The following RPF2 variants were observed in gnomAD, a reference collection of about 807,000 sequenced individuals.
The protein encoded by RPF2 is brix domain containing 1.
RPF2 carries 21 observed loss-of-function variants against 38.9 expected under a neutral mutation model. That is an observed-to-expected ratio of 0.54 (90% CI 0.38 to 0.78). The LOEUF is 0.78. Ranked by LOEUF, RPF2 falls within the 30% of genes least tolerant of loss-of-function variation. The pLI is 0.00. For synonymous variants in RPF2, 121 were observed against 126.2 expected, an observed-to-expected ratio of 0.96 and a Z score of 0.28; for missense variants, 314 against 358.1, an observed-to-expected ratio of 0.88 and a Z score of 0.99.
In RPF2 at chr6:111,019,148, G is replaced by A. The variant is rs149886239; in HGVS notation, c.596+3292G>A. Reference sequence around the variant, plus strand: ...TTGAGCCCAGGACGCAGAGGTTACAGAGAGTGGGCGGATCACTTGAGGAGT... The same window carrying A: ...TTGAGCCCAGGACGCAGAGGTTACAAAGAGTGGGCGGATCACTTGAGGAGT... On this transcript the variant is annotated intron_variant, in intron 8 of 9. Transcript: ENST00000441448. 3.3e-3 allele frequency among the ~76,000 whole-genome samples: 500 copies of A among 152,164 alleles called. 5 individuals are homozygous for A. The highest frequency in any genetic ancestry group is 0.011 in the African/African-American group (466 of 41,506).
intron 4 of RPF2, among the ~76,000 whole-genome samples, chr6:110,995,316 G>T (rs1771692843): frequency 6.6e-6 from 1 of 152,132 alleles, no homozygotes; most frequent in Non-Finnish European, 1.5e-5. Context: ...GCAGGAGGTG[G>T]TATTATCCCT....
chr6:110,994,734 TACAC>T (rs71021820), intron 4 of RPF2, among the ~76,000 whole-genome samples: 7,365 of 134,032 alleles, frequency 0.055, 286 homozygotes, highest in South Asian at 0.11. Context: ...TGAGTATATA[TACAC>T]ACACACACAC....
At position 110,989,010 on chromosome 6, in the gene RPF2, A is replaced by G. The variant is rs201759375; in HGVS notation, c.157-18A>G. 1.4e-4 allele frequency: 219 copies of G among 1,595,662 alleles called. No individual in the cohort carries two copies. The Middle Eastern group carries it at 2.3e-3, about 17-fold the overall frequency. On this transcript the variant is annotated intron_variant, in intron 2 of 9. Coordinates refer to ENST00000441448, the MANE Select transcript of RPF2 (RefSeq NM_032194.3). ...CAGAATGTGTTTTGTTTTGAAAGCTATAAATTTTGTTTTACAGTATGCACT... is the reference window on the plus strand; with the variant it reads ...CAGAATGTGTTTTGTTTTGAAAGCTGTAAATTTTGTTTTACAGTATGCACT...
chr6:110,987,424 T>G (rs768975826), intron 2 of RPF2, among the ~76,000 whole-genome samples: 1 of 152,234 alleles, frequency 6.6e-6, no homozygotes, highest in Non-Finnish European at 1.5e-5. Context: ...GATGTCTGAA[T>G]GCCTTATATA....
intron 8 of RPF2, among the ~76,000 whole-genome samples, chr6:111,021,483 G>T (rs972492448): frequency 1.2e-4 from 19 of 152,188 alleles, no homozygotes; most frequent in African/African-American, 4.3e-4. Flanking sequence ...CCACACTTGG[G>T]GAGCATTGAG....
intron 6 of RPF2, among the ~76,000 whole-genome samples, 165 bp from the exon 7 acceptor site, chr6:111,007,873 G>A (rs1771939683): frequency 6.6e-6 from 1 of 152,082 alleles, no homozygotes; most frequent in Non-Finnish European, 1.5e-5. Context: ...CTTGAACCCG[G>A]GAGGTGGAGG....
At chr6:111,005,684 T>C (rs1398880177) in intron 6 of RPF2, among the ~76,000 whole-genome samples, 2 of 151,834 alleles carry the variant, frequency 1.3e-5, no homozygotes, top group Non-Finnish European at 2.9e-5. Flanking sequence ...GGCTGGAGTG[T>C]AGTGGCAAGA....
chr6:111,000,747 G>T (rs1303117614), intron 6 of RPF2, among the ~76,000 whole-genome samples: 1 of 152,108 alleles, frequency 6.6e-6, no homozygotes, highest in Non-Finnish European at 1.5e-5. Flanking sequence ...TAAGGCCTAA[G>T]TAATTTTCTT....
intron 8 of RPF2, among the ~76,000 whole-genome samples, chr6:111,018,396 A>G (rs1380814658): frequency 6.6e-6 from 1 of 152,102 alleles, no homozygotes; most frequent in Non-Finnish European, 1.5e-5. Context: ...ATTTTGAGCT[A>G]TGGTGTGGCT....
chr6:110,984,138 G>T (rs1771482715), intron 1 of RPF2, among the ~76,000 whole-genome samples: 1 of 152,180 alleles, frequency 6.6e-6, no homozygotes, highest in African/African-American at 2.4e-5. Context: ...ATTCCCCATT[G>T]TTGGCAATAA....
rs373144860 is a variant in RPF2 at position 110,986,868 on chromosome 6, G to C, written c.156+1730G>C. On this transcript the variant is annotated intron_variant, in intron 2 of 9. Transcript: ENST00000441448. ...TAGGGAGGCTGAGGCCGGAAAATCT[G>C]CTTGGACCTGGGAGATGGAGGTTGG... Among the ~76,000 whole-genome samples the C allele has an allele frequency of 1.2e-3, 189 of 151,476 alleles. 1 individual carries two copies. Among genetic ancestry groups the C allele is most frequent in the African/African-American group, 4.1e-3 (170 of 41,242 alleles).
At chr6:111,017,259 C>T (rs1347381988) in intron 8 of RPF2, among the ~76,000 whole-genome samples, 22 of 150,180 alleles carry the variant, frequency 1.5e-4, no homozygotes, top group South Asian at 2.1e-4. Flanking sequence ...AAGGGGTGGC[C>T]GGGCAGAGGT....
rs1772358690 is a variant in RPF2, at chr6:111,027,713, T to TAG, written c.*2131_*2132insAG. 1 of 152,218 alleles carries TAG rather than the reference T, an allele frequency of 6.6e-6. No homozygotes were observed. Among genetic ancestry groups the TAG allele is most frequent in the Non-Finnish European group, 1.5e-5 (1 of 68,052 alleles). The allele number at this position is 152,218 out of a possible 1,614,324, so 9.4% of individuals were successfully genotyped here. On this transcript the variant is annotated 3_prime_UTR_variant, in exon 10 of 10. Transcript: ENST00000441448. Reference sequence around the variant, plus strand: ...CTCTTGTTTGAGATTTGGCAATACATTTCTGTTTTCTAGGTAATTTCTGTG... The same window carrying TAG: ...CTCTTGTTTGAGATTTGGCAATACATAGTTCTGTTTTCTAGGTAATTTCTGTG...
intron 8 of RPF2, among the ~76,000 whole-genome samples, chr6:111,017,344 G>A (rs564981570): frequency 3.0e-3 from 448 of 151,108 alleles, no homozygotes; most frequent in African/African-American, 0.01. Context: ...GCGGCTGGCC[G>A]GGCGGGGGCT....
Position 111,026,684 on chromosome 6 carries a change from G to A in RPF2, c.*1102G>A, listed in dbSNP as rs1313011049. On this transcript the variant is annotated 3_prime_UTR_variant, in exon 10 of 10. Coordinates refer to ENST00000441448, the MANE Select transcript of RPF2 (RefSeq NM_032194.3). ...CTACTTGTTTTGAAAGTTTCTTGAA[G>A]ACAGGCCTTGTGCCTAGGAAAACAG... 2 of 152,210 alleles carry A rather than the reference G, an allele frequency of 1.3e-5. No individual in the cohort carries two copies. The highest frequency in any genetic ancestry group is 4.8e-5 in the African/African-American group (2 of 41,458). The allele number at this position is 152,210 out of a possible 1,614,324, so 9.4% of individuals were successfully genotyped here. A position where few individuals can be genotyped will look rare whatever the true frequency, so the allele number is the denominator to read the frequency against.
At chr6:111,004,401 C>G (rs1771872367) in intron 6 of RPF2, among the ~76,000 whole-genome samples, 1 of 152,090 alleles carries the variant, frequency 6.6e-6, no homozygotes, top group South Asian at 2.1e-4. Context: ...CCAGGCTAGT[C>G]TCAAACTCCT....
At chr6:111,021,903 A>G (rs78448742) in intron 8 of RPF2, among the ~76,000 whole-genome samples, 2,379 of 152,342 alleles carry the variant, frequency 0.016, 30 homozygotes, top group Non-Finnish European at 0.024. Flanking sequence ...AGCTTTTTGG[A>G]TGAAAGGAAC....
At chr6:111,006,007 T>G (rs1771901124) in intron 6 of RPF2, among the ~76,000 whole-genome samples, 3 of 152,164 alleles carry the variant, frequency 2.0e-5, no homozygotes, top group Admixed American at 2.0e-4. Context: ...GGTTTTACCA[T>G]GTTGTCCAGG....
intron 2 of RPF2, among the ~76,000 whole-genome samples, chr6:110,987,349 A>G (rs903076826): frequency 3.9e-5 from 6 of 152,108 alleles, no homozygotes; most frequent in South Asian, 2.1e-4. Context: ...GTGAGCCACC[A>G]TGCCTGGCTT....
Sources: allele counts gnomAD v4.1 joint callset (sites outside exome capture counted in the v4.1 genomes callset), GRCh38; gene constraint gnomAD v4.1.1; transcripts MANE v1.5; gene names NCBI Gene and HGNC (gene_info 2026-07-23, HGNC 2026-07-21).